CLIC6: variants seen among roughly 807,000 people sequenced by gnomAD.
CLIC6 encodes the protein chloride intracellular channel protein 6.
Under a neutral mutation model 49.2 loss-of-function variants are expected in CLIC6, and 39 were observed. The observed-to-expected ratio is 0.79, with a 90% confidence interval of 0.61 to 1.04. The LOEUF is 1.04. CLIC6 is among the 50% of genes least tolerant of loss of function. The pLI is 0.00. For missense variants in CLIC6, 988 were observed against 993.1 expected, an observed-to-expected ratio of 0.99 and a Z score of 0.07; for synonymous variants, 446 against 433.4, an observed-to-expected ratio of 1.03 and a Z score of -0.36.
At chr21:34,709,156 T>C (rs753538112) in intron 4 of CLIC6, among the ~76,000 whole-genome samples, 1 of 152,188 alleles carries the variant, frequency 6.6e-6, no homozygotes, top group African/African-American at 2.4e-5. Context: ...GAAGGAGCAA[T>C]ATTGTGTAGA....
At chr21:34,682,885 C>A (rs1414599146) in intron 1 of CLIC6, among the ~76,000 whole-genome samples, 4 of 132,460 alleles carry the variant, frequency 3.0e-5, no homozygotes, top group Non-Finnish European at 4.6e-5. Flanking sequence ...GATCTCGGCT[C>A]ACTGCAAGCT....
intron 5 of CLIC6, among the ~76,000 whole-genome samples, chr21:34,710,762 A>G (rs144447161): frequency 5.1e-4 from 78 of 152,274 alleles, no homozygotes; most frequent in Non-Finnish European, 7.9e-4. Flanking sequence ...GCAGTGAGCC[A>G]AGATCACACC....
intron 1 of CLIC6, among the ~76,000 whole-genome samples, chr21:34,675,260 A>C (rs1448715413): frequency 6.6e-6 from 1 of 151,632 alleles, no homozygotes; most frequent in East Asian, 1.9e-4. Flanking sequence ...TCCAAAAAAA[A>C]AAAAAAAAAA....
chr21:34,679,093 G>A (rs1267376153), intron 1 of CLIC6, among the ~76,000 whole-genome samples: 3 of 152,210 alleles, frequency 2.0e-5, no homozygotes, highest in Non-Finnish European at 4.4e-5. Context: ...TGCTTAATCT[G>A]TTCTCACGCT....
chr21:34,687,565 A>T (rs1989905663), intron 1 of CLIC6, among the ~76,000 whole-genome samples: 2 of 152,334 alleles, frequency 1.3e-5, no homozygotes, highest in East Asian at 3.9e-4. Context: ...CCTTGATTCC[A>T]CCTGCTGTTA....
At chr21:34,672,324 A>G (rs1989581769) in intron 1 of CLIC6, among the ~76,000 whole-genome samples, 1 of 152,166 alleles carries the variant, frequency 6.6e-6, no homozygotes, top group Non-Finnish European at 1.5e-5. Flanking sequence ...TGGCCTTGGC[A>G]TTGCTGGGTG....
At chr21:34,687,133 A>C (rs1989898041) in intron 1 of CLIC6, among the ~76,000 whole-genome samples, 1 of 152,162 alleles carries the variant, frequency 6.6e-6, no homozygotes, top group South Asian at 2.1e-4. Context: ...GGGTGAAAAG[A>C]CAGGGCCAGA....
Position 34,670,724 on chromosome 21 carries a change from G to C in CLIC6, c.1336G>C (p.Ala446Pro). 1 of 1,599,676 alleles carries C rather than the reference G, an allele frequency of 6.3e-7. No homozygotes were observed. The highest frequency in any genetic ancestry group is 1.1e-5 in the South Asian group (1 of 89,744). Residue 446 changes from alanine (A) to proline (P), a missense_variant, in exon 1 of 6, where the codon GCC becomes CCC. This residue lies in a region of CLIC6 where 647 missense variants were observed against 596.9 expected (regional missense o/e 1.08). Transcript: ENST00000349499. ...REDGEASEPR[A>P]LGQEHDITLF... ...GGACGGAGAGGCGTCCGAGCCCCGG[G>C]CCCTGGGGCAGGAGCACGACATCAC...
chr21:34,703,436 G>C (rs770574049), intron 1 of CLIC6, among the ~76,000 whole-genome samples: 1 of 152,056 alleles, frequency 6.6e-6, no homozygotes, highest in Non-Finnish European at 1.5e-5. Flanking sequence ...TCATCGCCCC[G>C]TCAGGTCTGC....
Position 34,716,651 on chromosome 21 carries a change from T to G in CLIC6, c.*169T>G. On this transcript the variant is annotated 3_prime_UTR_variant, in exon 6 of 6. Transcript: ENST00000349499. The stretch of plus-strand genomic sequence containing the variant: ...TGTTTTTCTTCTCTAAAACATTAGT[T>G]TAATTTTCTTCAAAATGAAAATACT... 1 of 481,154 alleles carries G rather than the reference T, an allele frequency of 2.1e-6. No individual in the cohort carries two copies. The highest frequency in any genetic ancestry group is 3.6e-6 in the Non-Finnish European group (1 of 277,518). 29.8% of individuals were successfully genotyped at this position (481,154 alleles called of 1,614,324 possible). A position where few individuals can be genotyped will look rare whatever the true frequency, so the allele number is the denominator to read the frequency against.
chr21:34,713,190 A>C (rs531921562), intron 5 of CLIC6, among the ~76,000 whole-genome samples: 1 of 152,344 alleles, frequency 6.6e-6, no homozygotes, highest in African/African-American at 2.4e-5. Flanking sequence ...AAACAGAAAA[A>C]GACAGATGGG....
chr21:34,712,690 A>G (rs187220821), intron 5 of CLIC6, among the ~76,000 whole-genome samples: 1 of 152,308 alleles, frequency 6.6e-6, no homozygotes, highest in African/African-American at 2.4e-5. Context: ...GGAGGTAAAG[A>G]GGGAGGAAAG....
chr21:34,704,801 A>G (rs1043285462), intron 1 of CLIC6, among the ~76,000 whole-genome samples: 2 of 152,196 alleles, frequency 1.3e-5, no homozygotes, highest in African/African-American at 4.8e-5. Flanking sequence ...AGCAAGAAAA[A>G]CAATTTCAAG....
At position 34,669,020 on chromosome 21, in the gene CLIC6, G is replaced by A. The variant is rs547435005; in HGVS notation, c.-369G>A. On this transcript the variant is annotated 5_prime_UTR_variant, in exon 1 of 6. Coordinates refer to ENST00000349499, the MANE Select transcript of CLIC6 (RefSeq NM_053277.3). Reference sequence around the variant, plus strand: ...ACCCCAGGACAGCGGACAGCGGGCCGGGCACTTCCAAAGGCGCAGGAGCGA... The same window carrying A: ...ACCCCAGGACAGCGGACAGCGGGCCAGGCACTTCCAAAGGCGCAGGAGCGA... Among the ~76,000 whole-genome samples the A allele has an allele frequency of 8.5e-5, 13 of 152,272 alleles. No homozygotes were observed. Among genetic ancestry groups the A allele is most frequent in the African/African-American group, 2.2e-4 (9 of 41,568 alleles).
intron 1 of CLIC6, among the ~76,000 whole-genome samples, chr21:34,686,094 T>C (rs556311860): frequency 6.6e-6 from 1 of 152,334 alleles, no homozygotes; most frequent in Non-Finnish European, 1.5e-5. Flanking sequence ...TCAAAGCATT[T>C]ATTAATATGA....
chr21:34,688,465 G>A (rs1364729886), intron 1 of CLIC6, among the ~76,000 whole-genome samples: 1 of 152,236 alleles, frequency 6.6e-6, no homozygotes, highest in Non-Finnish European at 1.5e-5. Context: ...AGGCTAAGAA[G>A]CAGAGACGCC....
chr21:34,710,686 A>G (rs539631081), intron 5 of CLIC6, among the ~76,000 whole-genome samples: 2 of 152,084 alleles, frequency 1.3e-5, no homozygotes, highest in East Asian at 3.9e-4. Flanking sequence ...GGTGGCGGGC[A>G]CCTGTACTCC....
Position 34,670,154 on chromosome 21 carries a change from G to C in CLIC6, c.766G>C (p.Ala256Pro), listed in dbSNP as rs565184857. ...VGDSVEAGDP[A>P]GDGVEAGVPA... ...GGACAGCGTAGAGGCGGGGGACCCG[G>C]CGGGGGACGGCGTAGAAGCGGGGGT... is the stretch of plus-strand genomic sequence containing the variant. Residue 256 changes from alanine to proline, a missense_variant, in exon 1 of 6, where the codon GCG becomes CCG. By Grantham distance (27) the Ala-to-Pro change is conservative. Around this residue, in one of 3 missense-constraint regions of CLIC6, gnomAD observed 647 missense variants for 596.9 expected, o/e 1.08. Coordinates refer to ENST00000349499, the MANE Select transcript of CLIC6 (RefSeq NM_053277.3). The C allele has an allele frequency of 4.3e-6, 6 of 1,389,722 alleles. 1 individual carries two copies. The East Asian group carries it at 1.5e-4, about 34-fold the overall frequency. 86.1% of individuals were successfully genotyped at this position (1,389,722 alleles called of 1,614,324 possible).
At chr21:34,686,396 G>A (rs983738045) in intron 1 of CLIC6, among the ~76,000 whole-genome samples, 2 of 152,182 alleles carry the variant, frequency 1.3e-5, no homozygotes, top group Admixed American at 6.5e-5. Flanking sequence ...GTGAGACTCT[G>A]TGTCAAACAA....
Sources: gnomAD v4.1 joint callset for allele counts (sites outside exome capture counted in the v4.1 genomes callset) on GRCh38, gnomAD v4.1.1 for gene constraint, gnomAD v4.1.1 regional missense constraint, MANE v1.5 for transcripts, NCBI Gene and HGNC (gene_info 2026-07-23, HGNC 2026-07-21) for gene names.